Variants in KIF16B observed in about 807,000 individuals in gnomAD.
KIF16B encodes kinesin-like protein KIF16B.
In KIF16B, 98 loss-of-function variants were observed where a neutral mutation model predicts 156.3. The ratio of observed to expected loss-of-function variants is 0.63; its 90% CI spans 0.53 to 0.74. The LOEUF (loss-of-function observed/expected upper bound fraction) is 0.74, where lower values mean the gene tolerates loss of function less well. KIF16B is among the 30% of genes least tolerant of loss of function. The probability of loss-of-function intolerance (pLI) is 0.00; values close to 1 mark genes in which losing one functional copy is unlikely to be tolerated. For missense variants in KIF16B, 1,421 were observed against 1,606.5 expected (o/e 0.88, Z 1.97); for synonymous variants, 564 against 583.7 (o/e 0.97, Z 0.49).
chr20:16,414,731 G>A lies in KIF16B; in HGVS notation c.1613-8275C>T, dbSNP rs146328832. Among the ~76,000 whole-genome samples, 445 of 152,130 alleles carry A rather than the reference G, an allele frequency of 2.9e-3. 4 individuals are homozygous for A. Among genetic ancestry groups the A allele is most frequent in the East Asian group, 0.023 (118 of 5,170 alleles). ...AAAGACATTTTTAGATGTGTGTGTC[G>A]GAGCAGGGAGAGGGGGTGGTAAGTG... On this transcript the variant is annotated intron_variant, in intron 15 of 25. Coordinates refer to ENST00000354981, the MANE Select transcript of KIF16B (RefSeq NM_024704.5).
rs1029559980 is a variant in KIF16B, at chr20:16,369,266, T to A, written c.3498+1320A>T. The A allele has an allele frequency of 4.1e-6, 4 of 985,760 alleles. No individual in the cohort carries two copies. The African/African-American group carries it at 7.0e-5, about 17-fold the overall frequency. 61.1% of individuals were successfully genotyped at this position (985,760 alleles called of 1,614,324 possible). On this transcript the variant is annotated intron_variant, in intron 22 of 25. Coordinates refer to ENST00000354981, the MANE Select transcript of KIF16B (RefSeq NM_024704.5). Reference sequence around the variant, plus strand: ...TACCATGCTGGGCAAAACTGCCTTTTCTGTTCAAGGTGTCAAAAAAAGTTG... The same window carrying A: ...TACCATGCTGGGCAAAACTGCCTTTACTGTTCAAGGTGTCAAAAAAAGTTG...
In KIF16B at chr20:16,567,762, A is replaced by C. The variant is rs192248503; in HGVS notation, c.47+5467T>G. Among the ~76,000 whole-genome samples, 10 of 152,304 alleles carry C rather than the reference A, an allele frequency of 6.6e-5. No individual in the cohort carries two copies. The East Asian group carries it at 1.9e-3, about 29-fold the overall frequency. ...TCGGGAGATCAAGACCATCCTGGCT[A>C]ACACAGTGAAACCCTGTCTCTACTA... On this transcript the variant is annotated intron_variant, in intron 1 of 25. Coordinates refer to ENST00000354981, the MANE Select transcript of KIF16B (RefSeq NM_024704.5).
chr20:16,380,535 C>A (rs540453016), intron 18 of KIF16B, among the ~76,000 whole-genome samples: 12 of 152,310 alleles, frequency 7.9e-5, no homozygotes, highest in Admixed American at 7.8e-4. Flanking sequence ...TAAAACTCAA[C>A]AGAAGTTGTT....
At chr20:16,293,285 C>T (rs1418397005) in intron 25 of KIF16B, among the ~76,000 whole-genome samples, 1 of 152,148 alleles carries the variant, frequency 6.6e-6, no homozygotes, top group African/African-American at 2.4e-5. Flanking sequence ...CCTATAAAGG[C>T]TGCTCTATGG....
chr20:16,431,876 C>CATAT (rs140952127), intron 12 of KIF16B, among the ~76,000 whole-genome samples: 11 of 143,496 alleles, frequency 7.7e-5, no homozygotes, highest in South Asian at 4.5e-4. Context: ...TATATATATA[C>CATAT]ATATATATAT....
intron 22 of KIF16B, chr20:16,368,487 C>T (rs186756311): frequency 2.5e-4 from 248 of 986,298 alleles, no homozygotes; most frequent in African/African-American, 4.0e-4. Flanking sequence ...GGAGCCCCCT[C>T]GGGGCACACA....
intron 10 of KIF16B, among the ~76,000 whole-genome samples, chr20:16,503,868 G>T (rs1054797387): frequency 6.6e-6 from 1 of 152,116 alleles, no homozygotes; most frequent in African/African-American, 2.4e-5. Context: ...TCAAGCGAGG[G>T]CCCAGGGACA....
Position 16,379,835 on chromosome 20 carries a change from T to C in KIF16B, c.2167A>G (p.Lys723Glu), listed in dbSNP as rs1026216607. Residue 723 changes from lysine to glutamate, a missense_variant, in exon 19 of 26, where the codon AAG becomes GAG. Transcript: ENST00000354981. ...KELNNNEKAE[K>E]FQIFQELDQL... ...TCCAGTTCTTGAAATATCTGAAACT[T>C]CTCAGCCTTCTCGTTGTTGTTGAGT... 3 of 1,614,112 alleles carry C rather than the reference T, an allele frequency of 1.9e-6. No homozygotes were observed. The African/African-American group carries it at 4.0e-5, about 22-fold the overall frequency.
intron 12 of KIF16B, among the ~76,000 whole-genome samples, chr20:16,470,418 G>A (rs945241929): frequency 6.6e-6 from 1 of 152,020 alleles, no homozygotes; most frequent in African/African-American, 2.4e-5. Context: ...CAATGGGGGA[G>A]GTTGTGTACA....
At chr20:16,308,916 C>CTG (rs1377073928) in intron 25 of KIF16B, among the ~76,000 whole-genome samples, 7 of 152,242 alleles carry the variant, frequency 4.6e-5, no homozygotes, top group African/African-American at 1.7e-4. Flanking sequence ...TATCTGCCAA[C>CTG]ACATGTCTCC....
intron 12 of KIF16B, among the ~76,000 whole-genome samples, chr20:16,480,625 A>T (rs1406644276): frequency 6.6e-6 from 1 of 152,244 alleles, no homozygotes. Flanking sequence ...AGCAGTGAAG[A>T]GGTGACACAA....
chr20:16,273,446 T>A, intron 25 of KIF16B, 35 bp from the exon 26 acceptor site: 1 of 1,606,778 alleles, frequency 6.2e-7, no homozygotes, highest in East Asian at 2.2e-5. Flanking sequence ...ACATGGTCAA[T>A]TGGGAGGTCA....
Position 16,406,335 on chromosome 20 carries a change from C to A in KIF16B, c.1695+39G>T, listed in dbSNP as rs769959224. 9.7e-6 allele frequency: 15 copies of A among 1,549,822 alleles called. No homozygotes were observed. The East Asian group carries it at 2.2e-4, about 23-fold the overall frequency. On this transcript the variant is annotated intron_variant, in intron 16 of 25. Coordinates refer to ENST00000354981, the MANE Select transcript of KIF16B (RefSeq NM_024704.5). ...ACCACCACCCACTCATCCTCACATA[C>A]GATCAGTGGTTCCCTCCTAGAGACG...
chr20:16,543,730 GC>G (rs1052893177), intron 1 of KIF16B, among the ~76,000 whole-genome samples: 1 of 152,182 alleles, frequency 6.6e-6, no homozygotes, highest in Non-Finnish European at 1.5e-5. Context: ...ATGGTAAGCG[GC>G]CTGAGAGTCA....
At chr20:16,549,338 A>G (rs904317689) in intron 1 of KIF16B, among the ~76,000 whole-genome samples, 1 of 151,834 alleles carries the variant, frequency 6.6e-6, no homozygotes, top group Admixed American at 6.6e-5. Flanking sequence ...ATGATTTCCA[A>G]TTTCATCCAT....
In KIF16B at chr20:16,297,250, T is replaced by C. The variant is rs544484986; in HGVS notation, c.3795+15085A>G. Among the ~76,000 whole-genome samples, 28 of 152,380 alleles carry C rather than the reference T, an allele frequency of 1.8e-4. 1 individual carries two copies. In the South Asian group the frequency reaches 5.2e-3, roughly 28 times the overall value. On this transcript the variant is annotated intron_variant, in intron 25 of 25. Transcript: ENST00000354981. ...CTCCCCATCATTGCTTATTGCTTGCTGGTTCTGTTTCTCAGGAGAACTCTA... is the reference window on the plus strand; with the variant it reads ...CTCCCCATCATTGCTTATTGCTTGCCGGTTCTGTTTCTCAGGAGAACTCTA...
chr20:16,409,596 T>C (rs1199377903), intron 15 of KIF16B, among the ~76,000 whole-genome samples: 1 of 151,918 alleles, frequency 6.6e-6, no homozygotes, highest in Non-Finnish European at 1.5e-5. Flanking sequence ...GTGGTCCAGG[T>C]AAGTGATGAT....
At chr20:16,396,365 C>A (rs879314143) in intron 17 of KIF16B, among the ~76,000 whole-genome samples, 4 of 151,852 alleles carry the variant, frequency 2.6e-5, no homozygotes, top group Admixed American at 6.6e-5. Flanking sequence ...CTGGGGAGCA[C>A]TGAGGTATGG....
chr20:16,292,670 G>C (rs1192101353), intron 25 of KIF16B, among the ~76,000 whole-genome samples: 2 of 152,202 alleles, frequency 1.3e-5, no homozygotes, highest in East Asian at 3.9e-4. Flanking sequence ...TACAAACAAT[G>C]AGCAGAGAAC....
Sources: gnomAD v4.1 joint callset for allele counts (sites outside exome capture counted in the v4.1 genomes callset) on GRCh38, gnomAD v4.1.1 for gene constraint, MANE v1.5 for transcripts, NCBI Gene and HGNC (gene_info 2026-07-23, HGNC 2026-07-21) for gene names.